The following MAST4 variants were observed in gnomAD, a reference collection of about 807,000 sequenced individuals.
The protein encoded by MAST4 is microtubule-associated serine/threonine-protein kinase 4.
A neutral mutation model predicts 162.7 loss-of-function variants in MAST4; 89 were observed. The ratio of observed to expected loss-of-function variants is 0.55; its 90% CI spans 0.46 to 0.65. The LOEUF is 0.65. MAST4 is among the 30% of genes least tolerant of loss of function. The probability of loss-of-function intolerance (pLI) is 0.00; values close to 1 mark genes in which losing one functional copy is unlikely to be tolerated. For missense variants in MAST4, 3,153 were observed against 3,374.0 expected, an observed-to-expected ratio of 0.93 and a Z score of 1.62; for synonymous variants, 1,479 against 1,361.1, an observed-to-expected ratio of 1.09 and a Z score of -1.91.
intron 4 of MAST4, among the ~76,000 whole-genome samples, chr5:67,027,307 T>G (rs573894995): frequency 1.3e-5 from 2 of 152,310 alleles, no homozygotes; most frequent in African/African-American, 4.8e-5. Flanking sequence ...ATACAGATGT[T>G]TTTTATTCTC....
intron 4 of MAST4, among the ~76,000 whole-genome samples, chr5:66,925,996 A>G (rs568416034): frequency 6.6e-6 from 1 of 151,886 alleles, no homozygotes; most frequent in South Asian, 2.1e-4. Context: ...TGATGGATTC[A>G]CTACTGATTA....
intron 1 of MAST4, among the ~76,000 whole-genome samples, chr5:66,692,525 C>T (rs553706599): frequency 2.0e-5 from 3 of 151,996 alleles, no homozygotes; most frequent in East Asian, 1.9e-4. Flanking sequence ...AGGGCTATTC[C>T]GCAAGCTGGG....
At chr5:67,114,269 C>T in intron 12 of MAST4, 50 bp downstream of exon 12, 1 of 1,568,526 alleles carries the variant, frequency 6.4e-7, no homozygotes, top group Non-Finnish European at 8.6e-7. Context: ...GCACTGTCGC[C>T]TCATAGAAGA....
chr5:66,928,361 A>G (rs1470420590), intron 4 of MAST4, among the ~76,000 whole-genome samples: 1 of 152,236 alleles, frequency 6.6e-6, no homozygotes, highest in Non-Finnish European at 1.5e-5. Context: ...GGAAAAACAC[A>G]GGGATAAGAC....
intron 3 of MAST4, among the ~76,000 whole-genome samples, chr5:66,810,211 G>A (rs935908366): frequency 2.0e-5 from 3 of 152,290 alleles, no homozygotes; most frequent in African/African-American, 7.2e-5. Context: ...TAGTCAGGAT[G>A]CCTTAGAGTG....
intron 1 of MAST4, among the ~76,000 whole-genome samples, chr5:66,657,939 T>A (rs1746657652): frequency 6.6e-6 from 1 of 152,210 alleles, no homozygotes; most frequent in African/African-American, 2.4e-5. Flanking sequence ...TCCATAGTGC[T>A]TTTATGTGGG....
At chr5:66,984,362 G>A (rs967618759) in intron 4 of MAST4, among the ~76,000 whole-genome samples, 1 of 152,164 alleles carries the variant, frequency 6.6e-6, no homozygotes, top group African/African-American at 2.4e-5. Context: ...TGGATGAGTG[G>A]GCAGAGAGGC....
intron 2 of MAST4, among the ~76,000 whole-genome samples, chr5:66,763,312 C>T (rs1209648688): frequency 2.6e-5 from 4 of 152,188 alleles, no homozygotes; most frequent in African/African-American, 9.7e-5. Context: ...TTGGCTCAAT[C>T]TGTAGGGCTC....
At chr5:67,074,584 A>C (rs956799376) in intron 5 of MAST4, among the ~76,000 whole-genome samples, 21 of 152,008 alleles carry the variant, frequency 1.4e-4, no homozygotes, top group Non-Finnish European at 2.8e-4. Flanking sequence ...ATTGTAGTCC[A>C]TCTGTATAAT....
chr5:66,989,370 C>T (rs1645239), intron 4 of MAST4, among the ~76,000 whole-genome samples: 121,508 of 152,130 alleles, frequency 0.8, 48,657 homozygotes, highest in East Asian at 0.84. Flanking sequence ...GTGTTGAGCA[C>T]GTGGGAGAGC....
At chr5:66,837,336 A>T (rs1399645387) in intron 3 of MAST4, among the ~76,000 whole-genome samples, 1 of 152,162 alleles carries the variant, frequency 6.6e-6, no homozygotes, top group African/African-American at 2.4e-5. Context: ...AATATTCATT[A>T]TATCTTAGTG....
intron 4 of MAST4, among the ~76,000 whole-genome samples, chr5:66,919,432 G>A (rs1764335964): frequency 6.6e-6 from 1 of 151,794 alleles, no homozygotes; most frequent in African/African-American, 2.4e-5. Context: ...AGGCCAAGGT[G>A]GGCAGATCAC....
intron 2 of MAST4, among the ~76,000 whole-genome samples, chr5:66,767,170 C>CGTTGTGTGTGTGTGTGT (rs1491178013): frequency 2.7e-4 from 38 of 139,558 alleles, no homozygotes; most frequent in African/African-American, 9.5e-4. Context: ...GTAAAGTGCA[C>CGTTGTGTGTGTGTGTGT]GTGTGTGTGT....
chr5:67,025,001 G>T (rs1754466453), intron 4 of MAST4, among the ~76,000 whole-genome samples: 1 of 152,036 alleles, frequency 6.6e-6, no homozygotes, highest in African/African-American at 2.4e-5. Flanking sequence ...TCTTGTTTCT[G>T]TTCACGTTTC....
chr5:66,748,165 TCTC>T (rs986699775), intron 1 of MAST4, among the ~76,000 whole-genome samples: 8 of 152,052 alleles, frequency 5.3e-5, no homozygotes, highest in East Asian at 1.9e-4. Context: ...TAGATGTTCC[TCTC>T]CTCAACTCCA....
intron 3 of MAST4, among the ~76,000 whole-genome samples, chr5:66,817,698 G>A (rs530947634): frequency 6.4e-4 from 97 of 152,120 alleles, no homozygotes; most frequent in African/African-American, 2.2e-3. Context: ...GGTGATAATG[G>A]GAGGCATAAT....
At chr5:66,680,367 C>G (rs1335627703) in intron 1 of MAST4, among the ~76,000 whole-genome samples, 4 of 152,204 alleles carry the variant, frequency 2.6e-5, no homozygotes, top group Non-Finnish European at 4.4e-5. Context: ...TCTGTGCTGT[C>G]ATTCATTGTC....
At chr5:66,981,907 T>C (rs1748892455) in intron 4 of MAST4, among the ~76,000 whole-genome samples, 1 of 152,202 alleles carries the variant, frequency 6.6e-6, no homozygotes, top group African/African-American at 2.4e-5. Context: ...AACTCTTGAT[T>C]CTCATAAAAA....
chr5:67,100,736 C>A, intron 8 of MAST4, 144 bp downstream of exon 8: 1 of 1,023,274 alleles, frequency 9.8e-7, no homozygotes. Flanking sequence ...TCCATGTACA[C>A]ATAATATTGT....
Sources: gnomAD v4.1 joint callset for allele counts (sites outside exome capture counted in the v4.1 genomes callset) on GRCh38, gnomAD v4.1.1 for gene constraint, MANE v1.5 for transcripts, NCBI Gene and HGNC (gene_info 2026-07-23, HGNC 2026-07-21) for gene names.